MAFG: variants seen among roughly 807,000 people sequenced by gnomAD.
MAFG encodes transcription factor MafG.
MAFG carries 3 observed loss-of-function variants against 12.2 expected under a neutral mutation model. The ratio of observed to expected loss-of-function variants is 0.25; its 90% CI spans 0.11 to 0.64. MAFG has a LOEUF of 0.64. Among genes scored for constraint, MAFG ranks in the 30% least tolerant of loss-of-function variants. The probability of loss-of-function intolerance (pLI) is 0.85; values close to 1 mark genes in which losing one functional copy is unlikely to be tolerated. For missense variants in MAFG, 153 were observed against 235.5 expected, an observed-to-expected ratio of 0.65 and a Z score of 2.29; for synonymous variants, 126 against 109.1, an observed-to-expected ratio of 1.15 and a Z score of -0.96.
At position 81,922,462 on chromosome 17, in the gene MAFG, G is replaced by A. The variant is rs1356066709; in HGVS notation, c.*143C>T. 34 of 630,022 alleles carry A rather than the reference G, an allele frequency of 5.4e-5. No individual in the cohort carries two copies. The highest frequency in any genetic ancestry group is 3.3e-5 in the Non-Finnish European group (13 of 398,574). The allele number at this position is 630,022 out of a possible 1,614,324, so 39.0% of individuals were successfully genotyped here. ...AGGGGCTCAGCCCGGCGCCCCTGGG[G>A]TACAGGTTGTGCTTTGCAGGGAAGA... is the stretch of plus-strand genomic sequence containing the variant. On this transcript the variant is annotated 3_prime_UTR_variant, in exon 3 of 3. Coordinates refer to ENST00000357736, the MANE Select transcript of MAFG (RefSeq NM_002359.4).
chr17:81,925,250 C>T (rs2040929984), intron 1 of MAFG, among the ~76,000 whole-genome samples: 1 of 152,224 alleles, frequency 6.6e-6, no homozygotes, highest in South Asian at 2.1e-4. Context: ...CACAGATGGT[C>T]ACGGCTCCGC....
Position 81,921,606 on chromosome 17 carries a change from C to T in MAFG, c.*999G>A, listed in dbSNP as rs573608494. On this transcript the variant is annotated 3_prime_UTR_variant, in exon 3 of 3. Coordinates refer to ENST00000357736, the MANE Select transcript of MAFG (RefSeq NM_002359.4). ...TTAAACTAAGTTTTATAAATAATGT[C>T]TGATAACTCTGTGTATATAAAAACT... The T allele has an allele frequency of 5.0e-4, 74 of 148,656 alleles. No individual in the cohort carries two copies. The highest frequency in any genetic ancestry group is 6.9e-3 in the Middle Eastern group (2 of 290). 9.2% of individuals were successfully genotyped at this position (148,656 alleles called of 1,614,324 possible).
chr17:81,923,480 A>G lies in MAFG; in HGVS notation c.-29-266T>C, dbSNP rs924413672. ...AGAAGGGGAACTGAAGGCTGTTAGG[A>G]AGGCAGGCGCAAGACAAGGGGCAGG... On this transcript the variant is annotated intron_variant, in intron 1 of 2. Transcript: ENST00000357736. 4 of 372,138 alleles carry G rather than the reference A, an allele frequency of 1.1e-5. No individual in the cohort carries two copies. In the Admixed American group the frequency reaches 1.7e-4, roughly 16 times the overall value. 23.1% of individuals were successfully genotyped at this position (372,138 alleles called of 1,614,324 possible). A position where few individuals can be genotyped will look rare whatever the true frequency, so the allele number is the denominator to read the frequency against.
chr17:81,924,920 A>G lies in MAFG; in HGVS notation c.-29-1706T>C. Reference sequence around the variant, plus strand: ...GCACAATGACAGTGGTGACTTCCTGAAGAGATCACACGGAAAAGTGCCTCC... The same window carrying G: ...GCACAATGACAGTGGTGACTTCCTGGAGAGATCACACGGAAAAGTGCCTCC... On this transcript the variant is annotated intron_variant, in intron 1 of 2. Transcript: ENST00000357736. This position sits in a 1 kb window ranked among gnomAD's most constrained non-coding sequence, Gnocchi z 4.7. 6.6e-6 allele frequency among the ~76,000 whole-genome samples: 1 copy of G among 151,846 alleles called. No homozygotes were observed. The highest frequency in any genetic ancestry group is 2.1e-4 in the South Asian group (1 of 4,796).
At chr17:81,923,090 C>CG in intron 2 of MAFG, 33 bp from the exon 3 acceptor site, 5 of 1,609,046 alleles carry the variant, frequency 3.1e-6, no homozygotes, top group Non-Finnish European at 4.2e-6. Context: ...ACAGGCCAAG[C>CG]GGGCACGCCC....
Position 81,923,118 on chromosome 17 carries a change from C to G in MAFG, c.36+32G>C, listed in dbSNP as rs2040909459. 4.3e-6 allele frequency: 7 copies of G among 1,612,068 alleles called. No homozygotes were observed. The African/African-American group carries it at 6.7e-5, about 15-fold the overall frequency. ...GCACGCCCACTGTGCCCCCCGACCCCAGCCCACAGGCTCCTGTCCCTGCCC... is the reference window on the plus strand; with the variant it reads ...GCACGCCCACTGTGCCCCCCGACCCGAGCCCACAGGCTCCTGTCCCTGCCC... On this transcript the variant is annotated intron_variant, in intron 2 of 2. Transcript: ENST00000357736.
chr17:81,922,305 C>T lies in MAFG; in HGVS notation c.*300G>A, dbSNP rs185015834. The T allele has an allele frequency of 1.3e-3, 299 of 237,362 alleles. No homozygotes were observed. The highest frequency in any genetic ancestry group is 6.5e-3 in the African/African-American group (287 of 44,378). 14.7% of individuals were successfully genotyped at this position (237,362 alleles called of 1,614,324 possible). A position where few individuals can be genotyped will look rare whatever the true frequency, so the allele number is the denominator to read the frequency against. ...CTCTCTCCCGCAACTCTCTCTAGTC[C>T]GTTCCCACAGCACCAACTCTGGACT... On this transcript the variant is annotated 3_prime_UTR_variant, in exon 3 of 3. Coordinates refer to ENST00000357736, the MANE Select transcript of MAFG (RefSeq NM_002359.4).
intron 1 of MAFG, among the ~76,000 whole-genome samples, chr17:81,923,812 T>A (rs2040919475): frequency 6.6e-6 from 1 of 152,130 alleles, no homozygotes; most frequent in Non-Finnish European, 1.5e-5. Flanking sequence ...CAAAGCCCCC[T>A]GCTCCCTGGG....
In MAFG at chr17:81,926,301, T is replaced by C. The variant is rs1426979043; in HGVS notation, c.-30+1227A>G. 1.3e-5 allele frequency among the ~76,000 whole-genome samples: 2 copies of C among 152,122 alleles called. No homozygotes were observed. The highest frequency in any genetic ancestry group is 2.9e-5 in the Non-Finnish European group (2 of 68,006). ...TTTAGGGTGGCTGGGTGCTGCGTTC[T>C]GCCACCCTGTGCCATCCACACCAGC... is the stretch of plus-strand genomic sequence containing the variant. On this transcript the variant is annotated intron_variant, in intron 1 of 2. Transcript: ENST00000357736. The surrounding 1 kb of genome is among the most constrained non-coding windows in gnomAD (Gnocchi z 4.6).
At chr17:81,923,281 CGGCCCA>C in intron 1 of MAFG, 67 bp from the exon 2 acceptor site, 2 of 956,634 alleles carry the variant, frequency 2.1e-6, no homozygotes, top group Non-Finnish European at 2.8e-6. Context: ...CCCCCGCCCC[CGGCCCA>C]GTTCACAAGA....
rs570825866 is a variant in MAFG, at chr17:81,918,698, C to G, written c.*3907G>C. Reference sequence around the variant, plus strand: ...AACAGGGCTGGACACGCGGGCAGCCCTTGTCCTGTTGCCAGGAGAAGGCTT... The same window carrying G: ...AACAGGGCTGGACACGCGGGCAGCCGTTGTCCTGTTGCCAGGAGAAGGCTT... On this transcript the variant is annotated 3_prime_UTR_variant, in exon 3 of 3. Coordinates refer to ENST00000357736, the MANE Select transcript of MAFG (RefSeq NM_002359.4). 6.6e-6 allele frequency: 1 copy of G among 152,564 alleles called. No individual in the cohort carries two copies. Among genetic ancestry groups the G allele is most frequent in the African/African-American group, 2.4e-5 (1 of 41,578 alleles). The allele number at this position is 152,564 out of a possible 1,614,324, so 9.5% of individuals were successfully genotyped here.
In MAFG at chr17:81,922,942, T is replaced by A; in HGVS notation, c.152A>T (p.Gln51Leu). ...GAGCGTGCGCCGGCGCTGCTTCAGC[T>A]GGACGATCTCCTCCTTGGACAGGCC... ...LRGLSKEEIV[Q>L]LKQRRRTLKN... Residue 51 changes from glutamine to leucine, a missense_variant, in exon 3 of 3, where the codon CAG (glutamine) becomes CTG (leucine). Physicochemically the swap from Gln to Leu is moderately radical, Grantham distance 113 (BLOSUM62 -2). This residue lies in a region of MAFG where 43 missense variants were observed against 65.6 expected (regional missense o/e 0.66). Transcript: ENST00000357736. 1 of 1,604,322 alleles carries A rather than the reference T, an allele frequency of 6.2e-7. No homozygotes were observed. Among genetic ancestry groups the A allele is most frequent in the East Asian group, 2.2e-5 (1 of 44,486 alleles).
At chr17:81,923,241 C>G in intron 1 of MAFG, 27 bp from the exon 2 acceptor site, 1 of 1,328,252 alleles carries the variant, frequency 7.5e-7, no homozygotes. Flanking sequence ...AGGTCAGTAC[C>G]CTGGAGACCA....
At chr17:81,928,391 C>T (rs1373514957), upstream of MAFG, 1 of 152,174 alleles carries the variant, frequency 6.6e-6, no homozygotes, top group Non-Finnish European at 1.5e-5. This position sits in a 1 kb window ranked among gnomAD's most constrained non-coding sequence, Gnocchi z 8.1. Flanking sequence ...CCTCCACCCT[C>T]TTCCCTTCGC....
At chr17:81,929,507 C>T (rs148165792), upstream of MAFG, 385 of 152,528 alleles carry the variant, frequency 2.5e-3, 10 homozygotes, top group East Asian at 0.062. This position sits in a 1 kb window ranked among gnomAD's most constrained non-coding sequence, Gnocchi z 5.7. Flanking sequence ...TCAGTGAGGG[C>T]TGGCACTGGC....
intron 1 of MAFG, 50 bp from the exon 2 acceptor site, chr17:81,923,264 C>CT (rs960747029): frequency 1.2e-3 from 718 of 605,302 alleles, no homozygotes; most frequent in Non-Finnish European, 1.3e-3. Flanking sequence ...CTCGCCGCAC[C>CT]CCCCCCCCCC....
chr17:81,923,235 C>A, intron 1 of MAFG, 21 bp from the exon 2 acceptor site: 3 of 1,308,706 alleles, frequency 2.3e-6, no homozygotes, highest in Non-Finnish European at 2.1e-6. Flanking sequence ...CGGAGCAGGT[C>A]AGTACCCTGG....
At chr17:81,927,227 G>A (rs1387539083) in intron 1 of MAFG, among the ~76,000 whole-genome samples, 2 of 151,186 alleles carry the variant, frequency 1.3e-5, no homozygotes, top group Admixed American at 1.3e-4. Flanking sequence ...CTCCCTCCAG[G>A]ACGCCCGGGT....
upstream of MAFG, chr17:81,930,339 C>G (rs1016254394): frequency 6.6e-6 from 1 of 152,386 alleles, no homozygotes; most frequent in African/African-American, 2.4e-5. The surrounding 1 kb of genome is among the most constrained non-coding windows in gnomAD (Gnocchi z 4.1). Context: ...AGGGCCCCAG[C>G]TGGCAAGCTG....
Sources: gnomAD v4.1 joint callset for allele counts (sites outside exome capture counted in the v4.1 genomes callset) on GRCh38, gnomAD v4.1.1 for gene constraint, gnomAD v4.1.1 regional missense constraint, Gnocchi (gnomAD v3.1) non-coding constraint, MANE v1.5 for transcripts, NCBI Gene and HGNC (gene_info 2026-07-23, HGNC 2026-07-21) for gene names.